The following FAM171B variants were observed in gnomAD, a reference collection of about 807,000 sequenced individuals.
FAM171B encodes the protein family with sequence similarity 171 member B.
Under a neutral mutation model 75.6 loss-of-function variants are expected in FAM171B, and 19 were observed. The observed-to-expected ratio is 0.25, with a 90% CI of 0.18 to 0.37. FAM171B has a LOEUF of 0.37. FAM171B is among the 10% of genes least tolerant of loss of function. The pLI, the probability that FAM171B is intolerant of heterozygous loss-of-function variation, is 1.00. For synonymous variants in FAM171B, 367 were observed against 361.7 expected, an observed-to-expected ratio of 1.01 and a Z score of -0.17; for missense variants, 848 against 982.4, an observed-to-expected ratio of 0.86 and a Z score of 1.83.
Position 186,764,664 on chromosome 2 carries a change from G to C in FAM171B, c.*1841G>C, listed in dbSNP as rs1644688639. On this transcript the variant is annotated 3_prime_UTR_variant, in exon 8 of 8. Coordinates refer to ENST00000304698, the MANE Select transcript of FAM171B (RefSeq NM_177454.4). Reference sequence around the variant, plus strand: ...GAAGGATATAACATCTTTTTTAAGTGTGCATTTTCTTTCAGTTAACCAAAT... The same window carrying C: ...GAAGGATATAACATCTTTTTTAAGTCTGCATTTTCTTTCAGTTAACCAAAT... 1 of 151,524 alleles carries C rather than the reference G, an allele frequency of 6.6e-6. No homozygotes were observed. The highest frequency in any genetic ancestry group is 1.5e-5 in the Non-Finnish European group (1 of 67,756). 9.4% of individuals were successfully genotyped at this position (151,524 alleles called of 1,614,324 possible).
chr2:186,751,315 T>G lies in FAM171B; in HGVS notation c.895+11T>G. ...TTGATATGAACACAGGTATGTGAGC[T>G]AGGTTAAAATAGTCTGAATATTTTA... is the stretch of plus-strand genomic sequence containing the variant. On this transcript the variant is annotated intron_variant, in intron 5 of 7. Coordinates refer to ENST00000304698, the MANE Select transcript of FAM171B (RefSeq NM_177454.4). 6.6e-7 allele frequency: 1 copy of G among 1,510,832 alleles called. No homozygotes were observed. Among genetic ancestry groups the G allele is most frequent in the Non-Finnish European group, 8.9e-7 (1 of 1,119,374 alleles). 93.6% of individuals were successfully genotyped at this position (1,510,832 alleles called of 1,614,324 possible).
In FAM171B at chr2:186,709,544, A is replaced by G. The variant is rs543015635; in HGVS notation, c.238+15133A>G. On this transcript the variant is annotated intron_variant, in intron 1 of 7. Transcript: ENST00000304698. Reference sequence around the variant, plus strand: ...ACTTTTTGCCTTTACACTGATATATAATAGAAATACTTTCCCCTGCCACAA... The same window carrying G: ...ACTTTTTGCCTTTACACTGATATATGATAGAAATACTTTCCCCTGCCACAA... Among the ~76,000 whole-genome samples, 7 of 152,312 alleles carry G rather than the reference A, an allele frequency of 4.6e-5. No homozygotes were observed. The East Asian group carries it at 9.6e-4, about 21-fold the overall frequency.
intron 1 of FAM171B, among the ~76,000 whole-genome samples, chr2:186,716,455 A>G (rs1689875888): frequency 6.6e-6 from 1 of 152,220 alleles, no homozygotes; most frequent in Non-Finnish European, 1.5e-5. Flanking sequence ...ATGTATATAC[A>G]TATTATACAT....
intron 3 of FAM171B, 48 bp from the exon 4 acceptor site, chr2:186,747,044 G>A: frequency 7.0e-7 from 1 of 1,429,422 alleles, no homozygotes; most frequent in Non-Finnish European, 9.4e-7. Context: ...ATGCTGCTAT[G>A]CTTAACATGC....
intron 1 of FAM171B, among the ~76,000 whole-genome samples, chr2:186,731,710 C>T (rs1172098399): frequency 3.3e-5 from 5 of 152,212 alleles, no homozygotes; most frequent in Non-Finnish European, 7.3e-5. Context: ...GGCCTCACAG[C>T]AGAATGTGAG....
chr2:186,750,542 A>G (rs1574111776), intron 4 of FAM171B, among the ~76,000 whole-genome samples: 1 of 152,260 alleles, frequency 6.6e-6, no homozygotes, highest in East Asian at 1.9e-4. Context: ...TATTACAGTG[A>G]TTTTGTTTCA....
intron 4 of FAM171B, among the ~76,000 whole-genome samples, chr2:186,747,719 C>A (rs1690386427): frequency 6.6e-6 from 1 of 151,818 alleles, no homozygotes. Flanking sequence ...TTGCTATTCT[C>A]TGTGTAAAAT....
intron 1 of FAM171B, among the ~76,000 whole-genome samples, chr2:186,716,806 G>C (rs1689881728): frequency 6.6e-6 from 1 of 152,122 alleles, no homozygotes; most frequent in Non-Finnish European, 1.5e-5. Context: ...AGTTAATAGT[G>C]CAATATTTTT....
chr2:186,743,953 A>G (rs1690329935), intron 3 of FAM171B, among the ~76,000 whole-genome samples: 1 of 152,158 alleles, frequency 6.6e-6, no homozygotes, highest in Admixed American at 6.5e-5. Context: ...TGCCTCCAGC[A>G]TTAAATTTGT....
intron 1 of FAM171B, among the ~76,000 whole-genome samples, chr2:186,731,481 G>A (rs1445422949): frequency 6.6e-6 from 1 of 152,144 alleles, no homozygotes; most frequent in Non-Finnish European, 1.5e-5. Flanking sequence ...TATTAGTTGG[G>A]TGCTTTATGC....
At chr2:186,731,692 G>T (rs994005885) in intron 1 of FAM171B, among the ~76,000 whole-genome samples, 1 of 152,098 alleles carries the variant, frequency 6.6e-6, no homozygotes, top group Non-Finnish European at 1.5e-5. Context: ...GAGACCTATC[G>T]GGAACTGGGC....
intron 1 of FAM171B, among the ~76,000 whole-genome samples, chr2:186,735,935 A>G (rs2105784105): frequency 6.6e-6 from 1 of 152,352 alleles, no homozygotes; most frequent in Non-Finnish European, 1.5e-5. Flanking sequence ...AAGTAGTGAT[A>G]CTAATGACTA....
rs148878744 is a variant in FAM171B at position 186,762,800 on chromosome 2, C to T, written c.2458C>T (p.Arg820Cys). Residue 820 changes from arginine to cysteine, a missense_variant, in exon 8 of 8, where the codon CGC becomes TGC. This residue lies in a region of FAM171B where 136 missense variants were observed against 159.3 expected (regional missense o/e 0.85). Coordinates refer to ENST00000304698, the MANE Select transcript of FAM171B (RefSeq NM_177454.4). The surrounding 1 kb of genome is among the most constrained non-coding windows in gnomAD (Gnocchi z 4.0). ...TAACATCTGGAAGAAGCGAGAGGAA[C>T]GCCCACTGATTCCCATAAATTAACT... is the stretch of plus-strand genomic sequence containing the variant. ...KTNIWKKREE[R>C]PLIPIN 13 of 1,611,854 alleles carry T rather than the reference C, an allele frequency of 8.1e-6. No individual in the cohort carries two copies. The East Asian group carries it at 8.9e-5, about 11-fold the overall frequency.
chr2:186,709,931 A>T (rs1371096944), intron 1 of FAM171B, among the ~76,000 whole-genome samples: 1 of 152,196 alleles, frequency 6.6e-6, no homozygotes, highest in Non-Finnish European at 1.5e-5. Context: ...AATAAATATC[A>T]AGAATTTTAA....
At chr2:186,702,215 A>G (rs939455146) in intron 1 of FAM171B, among the ~76,000 whole-genome samples, 1 of 152,212 alleles carries the variant, frequency 6.6e-6, no homozygotes, top group African/African-American at 2.4e-5. Flanking sequence ...CCTATTCTGT[A>G]TAGCATAGCC....
chr2:186,759,741 C>T (rs1185399361), intron 6 of FAM171B, among the ~76,000 whole-genome samples: 1 of 151,846 alleles, frequency 6.6e-6, no homozygotes, highest in East Asian at 1.9e-4. Context: ...TATTTTCTCC[C>T]ATTCTGTGGG....
chr2:186,715,145 G>A (rs1035983693), intron 1 of FAM171B, among the ~76,000 whole-genome samples: 2 of 152,046 alleles, frequency 1.3e-5, no homozygotes, highest in African/African-American at 4.8e-5. Context: ...CATTTACTAC[G>A]CCCAGAATCT....
chr2:186,740,037 T>C (rs965485432), intron 1 of FAM171B, among the ~76,000 whole-genome samples, 191 bp from the exon 2 acceptor site: 2 of 152,216 alleles, frequency 1.3e-5, no homozygotes, highest in Non-Finnish European at 2.9e-5. Flanking sequence ...TATGGAGCAC[T>C]TAACTGTATT....
intron 1 of FAM171B, among the ~76,000 whole-genome samples, chr2:186,704,531 A>T (rs1689708596): frequency 6.6e-6 from 1 of 152,176 alleles, no homozygotes; most frequent in Non-Finnish European, 1.5e-5. Context: ...TTTAAGGTAG[A>T]CACCCTTAAA....
Sources: allele counts gnomAD v4.1 joint callset (sites outside exome capture counted in the v4.1 genomes callset), GRCh38; gene constraint gnomAD v4.1.1; regional missense constraint gnomAD v4.1.1; non-coding constraint Gnocchi (gnomAD v3.1); transcripts MANE v1.5; gene names NCBI Gene and HGNC (gene_info 2026-07-23, HGNC 2026-07-21).